GNG7: variants seen among roughly 807,000 people sequenced by gnomAD.
GNG7 encodes the protein guanine nucleotide-binding protein G(I)/G(S)/G(O) subunit gamma-7.
In GNG7, 1 loss-of-function variant was observed where a neutral mutation model predicts 4.0. That is an observed-to-expected ratio of 0.25 (90% CI 0.09 to 1.18). The LOEUF is 1.18. GNG7 is among the 50% of genes most tolerant of loss of function. The probability of loss-of-function intolerance (pLI) is 0.50; values close to 1 mark genes in which losing one functional copy is unlikely to be tolerated. For synonymous variants in GNG7, 34 were observed against 36.9 expected (o/e 0.92, Z 0.29); for missense variants, 86 against 91.9 (o/e 0.94, Z 0.26).
chr19:2,533,316 A>G (rs1042984335), intron 3 of GNG7, among the ~76,000 whole-genome samples: 1 of 151,756 alleles, frequency 6.6e-6, no homozygotes, highest in Non-Finnish European at 1.5e-5. Context: ...TGGATATTAG[A>G]GGTGCATATT....
chr19:2,599,403 T>C (rs2965206), intron 2 of GNG7, among the ~76,000 whole-genome samples: 112,059 of 151,784 alleles, frequency 0.74, 41,460 homozygotes, highest in Middle Eastern at 0.8. Context: ...AGAGCATTTC[T>C]AGGACTTCGG....
At chr19:2,662,830 G>A (rs1227816618) in intron 1 of GNG7, among the ~76,000 whole-genome samples, 1 of 152,100 alleles carries the variant, frequency 6.6e-6, no homozygotes, top group Non-Finnish European at 1.5e-5. Context: ...TACAGCTAAA[G>A]GTTCCAGCCC....
chr19:2,584,638 A>AGGAG (rs1368443054), intron 2 of GNG7, among the ~76,000 whole-genome samples: 3 of 85,376 alleles, frequency 3.5e-5, no homozygotes, highest in Admixed American at 1.7e-4. Flanking sequence ...GAAGGAAGGA[A>AGGAG]GGAGGGAGGG....
In GNG7 at chr19:2,576,625, C is replaced by T. The variant is rs879916304; in HGVS notation, c.-77-21437G>A. 7.2e-5 allele frequency among the ~76,000 whole-genome samples: 11 copies of T among 152,174 alleles called. 1 individual carries two copies. The highest frequency in any genetic ancestry group is 1.6e-4 in the Non-Finnish European group (11 of 68,024). ...GCAGGGGTGCAATCACAGCTCAATG[C>T]AGCCTCCACCTCCTGGGCTCAAGCG... On this transcript the variant is annotated intron_variant, in intron 2 of 4. Transcript: ENST00000382159.
In GNG7 at chr19:2,609,475, C is replaced by T. The variant is rs1177370648; in HGVS notation, c.-78+36749G>A. Among the ~76,000 whole-genome samples, 5 of 152,150 alleles carry T rather than the reference C, an allele frequency of 3.3e-5. No homozygotes were observed. The highest frequency in any genetic ancestry group is 9.7e-5 in the African/African-American group (4 of 41,430). ...AGCCGACAGGTCCGGGTAACAACTG[C>T]AGTTTAGCCGCTCACTTGCTGGAGG... On this transcript the variant is annotated intron_variant, in intron 2 of 4. Transcript: ENST00000382159. The surrounding 1 kb of genome is among the most constrained non-coding windows in gnomAD (Gnocchi z 4.4).
chr19:2,639,231 C>CAAAA (rs61023034), intron 2 of GNG7, among the ~76,000 whole-genome samples: 3 of 141,896 alleles, frequency 2.1e-5, no homozygotes, highest in African/African-American at 7.7e-5. Context: ...GAGACTCTGT[C>CAAAA]AAAAAAAAAA....
intron 2 of GNG7, among the ~76,000 whole-genome samples, chr19:2,636,178 A>G (rs1375247099): frequency 6.6e-6 from 1 of 152,184 alleles, no homozygotes; most frequent in Admixed American, 6.5e-5. Flanking sequence ...GGGTAACTCC[A>G]GCTCCTGGGA....
intron 2 of GNG7, among the ~76,000 whole-genome samples, chr19:2,612,890 C>T (rs1981614699): frequency 6.6e-6 from 1 of 151,924 alleles, no homozygotes; most frequent in Admixed American, 6.6e-5. Flanking sequence ...CGGGTTTTCA[C>T]CATGTTGGCC....
At chr19:2,601,978 T>G (rs1014711655) in intron 2 of GNG7, among the ~76,000 whole-genome samples, 4 of 151,734 alleles carry the variant, frequency 2.6e-5, no homozygotes, top group Non-Finnish European at 5.9e-5. Flanking sequence ...TCCCAGATGA[T>G]CCTTCCAGAA....
chr19:2,670,803 G>A (rs530274870), intron 1 of GNG7, among the ~76,000 whole-genome samples: 52 of 151,732 alleles, frequency 3.4e-4, no homozygotes, highest in Non-Finnish European at 5.6e-4. Flanking sequence ...TTTACCAGGT[G>A]TCCCCTGGGG....
intron 3 of GNG7, among the ~76,000 whole-genome samples, chr19:2,539,872 C>A (rs1978891661): frequency 8.1e-6 from 1 of 123,694 alleles, no homozygotes; most frequent in East Asian, 3.0e-4. Flanking sequence ...CTTCTTCTTT[C>A]TCTCTCCCTC....
At chr19:2,538,195 T>C (rs534153124) in intron 3 of GNG7, 6 of 456,644 alleles carry the variant, frequency 1.3e-5, no homozygotes, top group Non-Finnish European at 2.2e-5. Flanking sequence ...GATGATGACT[T>C]TATTGTAAAA....
At chr19:2,552,511 A>C (rs923330724) in intron 3 of GNG7, among the ~76,000 whole-genome samples, 8 of 151,940 alleles carry the variant, frequency 5.3e-5, no homozygotes, top group Admixed American at 4.6e-4. Flanking sequence ...CAGCCTCCCA[A>C]GTAGCTGGGA....
chr19:2,522,386 C>T (rs1320085024), intron 3 of GNG7, among the ~76,000 whole-genome samples: 1 of 152,154 alleles, frequency 6.6e-6, no homozygotes. Flanking sequence ...TCTGTCATAA[C>T]TCATGGCATC....
intron 2 of GNG7, among the ~76,000 whole-genome samples, chr19:2,578,865 G>A (rs1429039627): frequency 6.6e-6 from 1 of 152,218 alleles, no homozygotes; most frequent in African/African-American, 2.4e-5. Context: ...GGGAAGGGGT[G>A]GATCGGGGCC....
intron 1 of GNG7, among the ~76,000 whole-genome samples, chr19:2,693,303 C>T (rs977328163): frequency 1.3e-5 from 2 of 150,976 alleles, no homozygotes; most frequent in African/African-American, 2.4e-5. Context: ...GTATTCCCAG[C>T]TACTCAGGAG....
chr19:2,512,348 C>G lies in GNG7; in HGVS notation c.*2674G>C. 1.0e-6 allele frequency: 1 copy of G among 985,132 alleles called. No individual in the cohort carries two copies. Among genetic ancestry groups the G allele is most frequent in the Non-Finnish European group, 1.2e-6 (1 of 829,714 alleles). The allele number at this position is 985,132 out of a possible 1,614,324, so 61.0% of individuals were successfully genotyped here. Reference sequence around the variant, plus strand: ...TCCACAGTGTGGTCACTGAAGTCTACTCAAGAAAAAAAAAAGTGGAGAATT... The same window carrying G: ...TCCACAGTGTGGTCACTGAAGTCTAGTCAAGAAAAAAAAAAGTGGAGAATT... On this transcript the variant is annotated 3_prime_UTR_variant, in exon 5 of 5. Coordinates refer to ENST00000382159, the MANE Select transcript of GNG7 (RefSeq NM_052847.3). The surrounding 1 kb of genome is among the most constrained non-coding windows in gnomAD (Gnocchi z 4.7).
chr19:2,661,312 G>GAAAGAAAGAAAGAAAGAA (rs1983165330), intron 1 of GNG7, among the ~76,000 whole-genome samples: 2 of 132,690 alleles, frequency 1.5e-5, no homozygotes, highest in African/African-American at 6.0e-5. Flanking sequence ...GAGAAAGAAA[G>GAAAGAAAGAAAGAAAGAA]AAAGAAAGAA....
chr19:2,511,734 A>G lies in GNG7; in HGVS notation c.*3288T>C, dbSNP rs1972658605. On this transcript the variant is annotated 3_prime_UTR_variant, in exon 5 of 5. Transcript: ENST00000382159. The surrounding 1 kb of genome is among the most constrained non-coding windows in gnomAD (Gnocchi z 6.3). ...CGGTGGCCGGCCCGTCAAAGGGACC[A>G]CGCAGAAGGAGGGAAACAGGAGCAC... The G allele has an allele frequency of 5.5e-6, 5 of 906,002 alleles. No homozygotes were observed. The South Asian group carries it at 2.5e-4, about 46-fold the overall frequency. 56.1% of individuals were successfully genotyped at this position (906,002 alleles called of 1,614,324 possible).
Sources: allele counts gnomAD v4.1 joint callset (sites outside exome capture counted in the v4.1 genomes callset), GRCh38; gene constraint gnomAD v4.1.1; non-coding constraint Gnocchi (gnomAD v3.1); transcripts MANE v1.5; gene names NCBI Gene and HGNC (gene_info 2026-07-23, HGNC 2026-07-21).